Variants in PDP1 observed in about 807,000 individuals in gnomAD.
PDP1 encodes pyruvate dehydrogenase phosphatase catalytic subunit 1.
PDP1 carries 14 observed loss-of-function variants against 37.1 expected under a neutral mutation model. The ratio of observed to expected loss-of-function variants is 0.38; its 90% confidence interval spans 0.25 to 0.59. The LOEUF is 0.59. Among genes scored for constraint, PDP1 ranks in the 20% least tolerant of loss-of-function variants. PDP1 has a pLI of 0.67. For synonymous variants in PDP1, 251 were observed against 243.3 expected, an observed-to-expected ratio of 1.03 and a Z score of -0.29; for missense variants, 544 against 655.3, an observed-to-expected ratio of 0.83 and a Z score of 1.85.
Position 93,918,081 on chromosome 8 carries a change from G to A in PDP1, c.-45+1002G>A, listed in dbSNP as rs1810142526. 3.2e-6 allele frequency: 3 copies of A among 946,246 alleles called. No homozygotes were observed. The Admixed American group carries it at 6.8e-5, about 22-fold the overall frequency. 58.6% of individuals were successfully genotyped at this position (946,246 alleles called of 1,614,324 possible). On this transcript the variant is annotated intron_variant, in intron 1 of 1. Transcript: ENST00000297598. ...TGGAAAAAGGGACAAACGCGTCTTG[G>A]ATTGAGATAGCTTTGATGTCTTTGT...
intron 1 of PDP1, chr8:93,919,175 A>G (rs1018540797): frequency 1.3e-5 from 12 of 940,388 alleles, no homozygotes; most frequent in East Asian, 2.3e-4. Context: ...TGCTGTGTCA[A>G]TCATTGCTTT....
intron 1 of PDP1, chr8:93,920,479 G>T: frequency 1.1e-6 from 1 of 906,942 alleles, no homozygotes; most frequent in Non-Finnish European, 1.3e-6. Flanking sequence ...TTTTGAAGCA[G>T]TATCTCAAGA....
Position 93,922,652 on chromosome 8 carries a change from ATTACT to A in PDP1, c.597_601del (p.Tyr199Ter). ...CTCCAGTGGCACAAGCACCCCAATG[ATTACT>A]TTAGTAAGGAGGCATCCAAATTGTA... On this transcript the variant is annotated frameshift_variant, in exon 2 of 2. Coordinates refer to ENST00000297598, the MANE Select transcript of PDP1 (RefSeq NM_018444.4). LOFTEE classifies it high-confidence loss of function. This position sits in a 1 kb window ranked among gnomAD's most constrained non-coding sequence, Gnocchi z 4.0. 1.2e-6 allele frequency: 2 copies of A among 1,614,144 alleles called. No individual in the cohort carries two copies. Among genetic ancestry groups the A allele is most frequent in the African/African-American group, 1.3e-5 (1 of 75,024 alleles).
At position 93,924,892 on chromosome 8, in the gene PDP1, A is replaced by G. The variant is rs1173769673; in HGVS notation, c.*1219A>G. On this transcript the variant is annotated 3_prime_UTR_variant, in exon 2 of 2. Coordinates refer to ENST00000297598, the MANE Select transcript of PDP1 (RefSeq NM_018444.4). ...TCAAATGTTTGCAGCAGTCTCCATAATTATATTCAGTCCCTTCTAATACTG... is the reference window on the plus strand; with the variant it reads ...TCAAATGTTTGCAGCAGTCTCCATAGTTATATTCAGTCCCTTCTAATACTG... The G allele has an allele frequency of 6.0e-6, 1 of 167,060 alleles. No homozygotes were observed. The highest frequency in any genetic ancestry group is 1.5e-5 in the Non-Finnish European group (1 of 68,126). The allele number at this position is 167,060 out of a possible 1,614,324, so 10.3% of individuals were successfully genotyped here. A position where few individuals can be genotyped will look rare whatever the true frequency, so the allele number is the denominator to read the frequency against.
At position 93,923,692 on chromosome 8, in the gene PDP1, G is replaced by C; in HGVS notation, c.*19G>C. 6.4e-7 allele frequency: 1 copy of C among 1,571,200 alleles called. No individual in the cohort carries two copies. Among genetic ancestry groups the C allele is most frequent in the Admixed American group, 1.7e-5 (1 of 59,954 alleles). ...AGAATAGTGAGTGGCTCTTTCACTG[G>C]CAATTCTCAAATGATATACATTTAA... On this transcript the variant is annotated 3_prime_UTR_variant, in exon 2 of 2. Transcript: ENST00000297598. This position sits in a 1 kb window ranked among gnomAD's most constrained non-coding sequence, Gnocchi z 4.3.
chr8:93,917,689 C>T, intron 1 of PDP1: 1 of 951,372 alleles, frequency 1.1e-6, no homozygotes, highest in South Asian at 1.6e-5. Flanking sequence ...GGTTGGCTTC[C>T]TTGTTCTCTC....
chr8:93,925,672 C>T lies in PDP1; in HGVS notation c.*1999C>T, dbSNP rs1422281871. 1 of 167,010 alleles carries T rather than the reference C, an allele frequency of 6.0e-6. No individual in the cohort carries two copies. Among genetic ancestry groups the T allele is most frequent in the Non-Finnish European group, 1.5e-5 (1 of 68,106 alleles). The allele number at this position is 167,010 out of a possible 1,614,324, so 10.3% of individuals were successfully genotyped here. On this transcript the variant is annotated 3_prime_UTR_variant, in exon 2 of 2. Transcript: ENST00000297598. ...AAATGAAAATGCAGCATGAAGTTGACATTGTGGAAATGAAAGTAATTGGGT... is the reference window on the plus strand; with the variant it reads ...AAATGAAAATGCAGCATGAAGTTGATATTGTGGAAATGAAAGTAATTGGGT...
intron 1 of PDP1, chr8:93,920,059 A>G (rs1400126891): frequency 6.6e-6 from 1 of 152,228 alleles, no homozygotes; most frequent in Non-Finnish European, 1.5e-5. Flanking sequence ...TCTTATTTCC[A>G]AAATTTTAGC....
At chr8:93,921,861 A>G (rs1450632278) in intron 1 of PDP1, 155 bp from the exon 2 acceptor site, 1 of 574,944 alleles carries the variant, frequency 1.7e-6, no homozygotes, top group South Asian at 2.6e-5. Context: ...CCCTGTAGAA[A>G]TAGTACATGA....
At chr8:93,917,686 T>G in intron 1 of PDP1, 1 of 918,760 alleles carries the variant, frequency 1.1e-6, no homozygotes, top group Admixed American at 2.6e-5. Context: ...TTTGGTTGGC[T>G]TCCTTGTTCT....
Position 93,923,744 on chromosome 8 carries a change from C to T in PDP1, c.*71C>T, listed in dbSNP as rs148691545. On this transcript the variant is annotated 3_prime_UTR_variant, in exon 2 of 2. Transcript: ENST00000297598. This position sits in a 1 kb window ranked among gnomAD's most constrained non-coding sequence, Gnocchi z 4.3. ...GGGCAGATTTTTTAAAAAGATACTA[C>T]TATAATAAACATTTCCAGTTGGTCA... The T allele has an allele frequency of 1.3e-4, 152 of 1,178,294 alleles. 2 individuals are homozygous for T. The African/African-American group carries it at 2.0e-3, about 16-fold the overall frequency. 73.0% of individuals were successfully genotyped at this position (1,178,294 alleles called of 1,614,324 possible).
chr8:93,924,767 C>T lies in PDP1; in HGVS notation c.*1094C>T, dbSNP rs1437347199. The stretch of plus-strand genomic sequence containing the variant: ...GTTTAAAATGACTAAATGCTTTAAA[C>T]ATATTGTAGCTTAAGATATATGTGT... On this transcript the variant is annotated 3_prime_UTR_variant, in exon 2 of 2. Transcript: ENST00000297598. 1 of 166,978 alleles carries T rather than the reference C, an allele frequency of 6.0e-6. No individual in the cohort carries two copies. The highest frequency in any genetic ancestry group is 1.5e-5 in the Non-Finnish European group (1 of 68,098). The allele number at this position is 166,978 out of a possible 1,614,324, so 10.3% of individuals were successfully genotyped here. A position where few individuals can be genotyped will look rare whatever the true frequency, so the allele number is the denominator to read the frequency against.
At chr8:93,920,544 A>T in intron 1 of PDP1, 4 of 937,846 alleles carry the variant, frequency 4.3e-6, no homozygotes, top group Non-Finnish European at 5.1e-6. Flanking sequence ...TTCTTGCCCA[A>T]ATTATCTAGA....
chr8:93,917,990 G>A lies in PDP1; in HGVS notation c.-45+911G>A, dbSNP rs766421127. The A allele has an allele frequency of 5.0e-6, 8 of 1,610,506 alleles. No homozygotes were observed. The South Asian group carries it at 8.8e-5, about 18-fold the overall frequency. ...CCTGCGTTGGGTACCCAGGAAGGAT[G>A]GTGACAGATTTTTGTGTATGGATGG... is the stretch of plus-strand genomic sequence containing the variant. On this transcript the variant is annotated intron_variant, in intron 1 of 1. Coordinates refer to ENST00000297598, the MANE Select transcript of PDP1 (RefSeq NM_018444.4).
chr8:93,921,071 C>CTTTTT (rs34446897), intron 1 of PDP1: 7 of 852,844 alleles, frequency 8.2e-6, no homozygotes, highest in Non-Finnish European at 8.4e-6. Flanking sequence ...AATACTTAAA[C>CTTTTT]TTTTTTTTTT....
At chr8:93,917,672 T>G (rs1586149901) in intron 1 of PDP1, 12 of 744,196 alleles carry the variant, frequency 1.6e-5, no homozygotes, top group Admixed American at 2.8e-5. Context: ...GCGGGGTGGG[T>G]TGGTTTGGTT....
Position 93,923,823 on chromosome 8 carries a change from T to C in PDP1, c.*150T>C. Reference sequence around the variant, plus strand: ...AGCTAGTCAGGTACTCCAAATTGACTTTGCAGCAGGGTGGCAGGGTCAGGA... The same window carrying C: ...AGCTAGTCAGGTACTCCAAATTGACCTTGCAGCAGGGTGGCAGGGTCAGGA... On this transcript the variant is annotated 3_prime_UTR_variant, in exon 2 of 2. Transcript: ENST00000297598. This position sits in a 1 kb window ranked among gnomAD's most constrained non-coding sequence, Gnocchi z 4.3. 1.4e-6 allele frequency: 1 copy of C among 740,182 alleles called. No homozygotes were observed. The highest frequency in any genetic ancestry group is 2.4e-6 in the Non-Finnish European group (1 of 420,436). The allele number at this position is 740,182 out of a possible 1,614,324, so 45.9% of individuals were successfully genotyped here.
Position 93,923,629 on chromosome 8 carries a change from C to A in PDP1, c.1570C>A (p.Gln524Lys). 1 of 1,614,004 alleles carries A rather than the reference C, an allele frequency of 6.2e-7. No individual in the cohort carries two copies. Among genetic ancestry groups the A allele is most frequent in the South Asian group, 1.1e-5 (1 of 91,038 alleles). ...YRDDITIIVV[Q>K]FNSHVVGAYQ... ...AGATGACATTACAATCATTGTAGTTCAGTTCAATTCTCATGTTGTAGGGGC... is the reference window on the plus strand; with the variant it reads ...AGATGACATTACAATCATTGTAGTTAAGTTCAATTCTCATGTTGTAGGGGC... The change falls in exon 2 of 2, where the codon CAG (glutamine) becomes AAG (lysine). Residue 524 changes from glutamine (Q) to lysine (K), a missense_variant. This residue lies in a region of PDP1 where 159 missense variants were observed against 165.5 expected (regional missense o/e 0.96). Transcript: ENST00000297598. The surrounding 1 kb of genome is among the most constrained non-coding windows in gnomAD (Gnocchi z 4.3).
chr8:93,917,185 C>A, intron 1 of PDP1, 106 bp downstream of exon 1: 1 of 391,980 alleles, frequency 2.6e-6, no homozygotes, highest in Non-Finnish European at 4.9e-6. Flanking sequence ...CGGCCGCGGG[C>A]GTGCGGAGGG....
Sources: allele counts gnomAD v4.1 joint callset, GRCh38; gene constraint gnomAD v4.1.1; regional missense constraint gnomAD v4.1.1; non-coding constraint Gnocchi (gnomAD v3.1); transcripts MANE v1.5; gene names NCBI Gene and HGNC (gene_info 2026-07-23, HGNC 2026-07-21).